Variants in PELI2 observed in about 807,000 individuals in gnomAD.
PELI2 encodes E3 ubiquitin-protein ligase pellino homolog 2.
Under a neutral mutation model 42.3 loss-of-function variants are expected in PELI2, and 23 were observed. That is an observed-to-expected ratio of 0.54 (90% CI 0.39 to 0.77). The LOEUF is 0.77. Ranked by LOEUF, PELI2 falls within the 30% of genes least tolerant of loss-of-function variation. The pLI, the probability that PELI2 is intolerant of heterozygous loss-of-function variation, is 0.00. For synonymous variants in PELI2, 245 were observed against 212.2 expected (o/e 1.15, Z -1.34); for missense variants, 463 against 553.2 (o/e 0.84, Z 1.64).
At chr14:56,262,862 T>C (rs1888761258) in intron 2 of PELI2, among the ~76,000 whole-genome samples, 1 of 152,232 alleles carries the variant, frequency 6.6e-6, no homozygotes, top group Admixed American at 6.5e-5. Flanking sequence ...TGTAAAAGTT[T>C]TAATATAGAA....
chr14:56,285,574 C>T (rs1482480418), intron 3 of PELI2, among the ~76,000 whole-genome samples: 1 of 152,080 alleles, frequency 6.6e-6, no homozygotes, highest in Non-Finnish European at 1.5e-5. Context: ...ACCAACTGGC[C>T]TGAAAGTTTC....
chr14:56,119,415 G>T (rs981320983), intron 1 of PELI2, among the ~76,000 whole-genome samples: 5 of 152,098 alleles, frequency 3.3e-5, no homozygotes, highest in Admixed American at 6.5e-5. Flanking sequence ...ACAGGATGCG[G>T]CTGCTCGGGG....
chr14:56,287,362 T>C (rs1039906382), intron 3 of PELI2, among the ~76,000 whole-genome samples: 4 of 152,228 alleles, frequency 2.6e-5, no homozygotes, highest in African/African-American at 7.2e-5. Flanking sequence ...ATTTTCTTGT[T>C]AAAAAATGTT....
intron 2 of PELI2, among the ~76,000 whole-genome samples, chr14:56,223,831 A>G (rs1887241557): frequency 6.6e-6 from 1 of 152,212 alleles, no homozygotes; most frequent in South Asian, 2.1e-4. Flanking sequence ...CTAATTTCAT[A>G]AGATTTGAAT....
chr14:56,285,948 A>G (rs1889631330), intron 3 of PELI2, among the ~76,000 whole-genome samples: 1 of 152,212 alleles, frequency 6.6e-6, no homozygotes, highest in Non-Finnish European at 1.5e-5. Flanking sequence ...ATACAGAATG[A>G]GATAAGCATA....
At chr14:56,285,879 G>A (rs754314) in intron 3 of PELI2, among the ~76,000 whole-genome samples, 11,217 of 152,148 alleles carry the variant, frequency 0.074, 564 homozygotes, top group East Asian at 0.22. Context: ...GGGAGACTAC[G>A]CCAGAGCAGG....
At chr14:56,157,894 G>A (rs956929636) in intron 1 of PELI2, among the ~76,000 whole-genome samples, 1 of 152,102 alleles carries the variant, frequency 6.6e-6, no homozygotes, top group Non-Finnish European at 1.5e-5. Flanking sequence ...TTCAATTTCC[G>A]GCTTTAATAC....
At chr14:56,243,984 T>G (rs1012361865) in intron 2 of PELI2, among the ~76,000 whole-genome samples, 2 of 152,204 alleles carry the variant, frequency 1.3e-5, no homozygotes, top group Non-Finnish European at 2.9e-5. Context: ...TTATGAAACT[T>G]TGTCAAATAG....
At chr14:56,171,367 G>T (rs1885162752) in intron 1 of PELI2, among the ~76,000 whole-genome samples, 1 of 152,184 alleles carries the variant, frequency 6.6e-6, no homozygotes, top group Admixed American at 6.5e-5. Flanking sequence ...GAAACATCTA[G>T]GGAGGCCAAG....
intron 1 of PELI2, among the ~76,000 whole-genome samples, chr14:56,164,113 C>A (rs533179951): frequency 6.6e-6 from 1 of 152,144 alleles, no homozygotes; most frequent in South Asian, 2.1e-4. Context: ...CAGTGGGCAT[C>A]GTTGTTATGT....
At chr14:56,186,042 C>T (rs1177487446) in intron 2 of PELI2, among the ~76,000 whole-genome samples, 1 of 152,004 alleles carries the variant, frequency 6.6e-6, no homozygotes, top group Non-Finnish European at 1.5e-5. Flanking sequence ...GGGAGATTAT[C>T]CTGGATTATC....
At chr14:56,196,122 G>A (rs1594628687) in intron 2 of PELI2, among the ~76,000 whole-genome samples, 1 of 152,274 alleles carries the variant, frequency 6.6e-6, no homozygotes, top group East Asian at 1.9e-4. Flanking sequence ...GGATTGTGGA[G>A]GTTACATTGT....
intron 2 of PELI2, among the ~76,000 whole-genome samples, chr14:56,204,663 G>A (rs940197237): frequency 6.6e-6 from 1 of 152,004 alleles, no homozygotes; most frequent in Non-Finnish European, 1.5e-5. Context: ...TGGAGAAAGA[G>A]GAAATGACTC....
intron 1 of PELI2, among the ~76,000 whole-genome samples, chr14:56,157,692 C>T (rs570449459): frequency 3.9e-5 from 6 of 152,216 alleles, no homozygotes; most frequent in South Asian, 2.1e-4. Flanking sequence ...TGGATTTACT[C>T]GATCTGGCAT....
chr14:56,153,201 C>G (rs1036662079), intron 1 of PELI2, among the ~76,000 whole-genome samples: 10 of 152,144 alleles, frequency 6.6e-5, no homozygotes, highest in African/African-American at 2.4e-4. Context: ...TTTTAGATCT[C>G]TTCACAAACT....
At chr14:56,280,887 A>C (rs1040301062) in intron 3 of PELI2, among the ~76,000 whole-genome samples, 8 of 152,190 alleles carry the variant, frequency 5.3e-5, no homozygotes, top group Admixed American at 5.2e-4. Flanking sequence ...GCTTTCAAAA[A>C]TGGACAAAGA....
chr14:56,245,172 T>G (rs1373414535), intron 2 of PELI2, among the ~76,000 whole-genome samples: 1 of 152,228 alleles, frequency 6.6e-6, no homozygotes, highest in East Asian at 1.9e-4. Flanking sequence ...TTCCATAATA[T>G]CTGGGTTCAT....
At chr14:56,199,570 A>G (rs1049377891) in intron 2 of PELI2, among the ~76,000 whole-genome samples, 2 of 152,190 alleles carry the variant, frequency 1.3e-5, no homozygotes, top group African/African-American at 4.8e-5. Flanking sequence ...TTGATTTCTC[A>G]GGGTGTGGTT....
intron 2 of PELI2, among the ~76,000 whole-genome samples, chr14:56,256,516 G>A (rs1002037567): frequency 6.6e-6 from 1 of 152,018 alleles, no homozygotes; most frequent in African/African-American, 2.4e-5. Context: ...AAGAAGCCAG[G>A]TGTGAGTCTG....
Sources: gnomAD v4.1 joint callset for allele counts (sites outside exome capture counted in the v4.1 genomes callset) on GRCh38, gnomAD v4.1.1 for gene constraint, MANE v1.5 for transcripts, NCBI Gene and HGNC (gene_info 2026-07-23, HGNC 2026-07-21) for gene names.